CTNNA2: variants seen among roughly 807,000 people sequenced by gnomAD.
The protein encoded by CTNNA2 is catenin alpha-2.
CTNNA2 carries 42 observed loss-of-function variants against 101.0 expected under a neutral mutation model. The observed-to-expected ratio is 0.42, with a 90% CI of 0.32 to 0.54. The LOEUF (loss-of-function observed/expected upper bound fraction) is 0.54, where lower values mean the gene tolerates loss of function less well. Among genes scored for constraint, CTNNA2 ranks in the 20% least tolerant of loss-of-function variants. CTNNA2 has a pLI of 0.14. For missense variants in CTNNA2, 871 were observed against 1,223.1 expected (o/e 0.71, Z 4.29); for synonymous variants, 450 against 456.4 (o/e 0.99, Z 0.18).
intron 7 of CTNNA2, among the ~76,000 whole-genome samples, chr2:80,231,572 G>A (rs537983984): frequency 1.3e-4 from 20 of 152,278 alleles, no homozygotes; most frequent in South Asian, 1.2e-3. Flanking sequence ...GGAAGGAGGG[G>A]TCAGACATGT....
At chr2:79,492,485 A>C (rs1422210555) in intron 4 of CTNNA2, among the ~76,000 whole-genome samples, 2 of 152,084 alleles carry the variant, frequency 1.3e-5, no homozygotes, top group East Asian at 3.8e-4. Flanking sequence ...AAACTGTTTA[A>C]ATAGGACAAA....
At chr2:79,933,643 C>T (rs979815100) in intron 7 of CTNNA2, among the ~76,000 whole-genome samples, 1 of 151,906 alleles carries the variant, frequency 6.6e-6, no homozygotes, top group African/African-American at 2.4e-5. Flanking sequence ...TTAGTAGAGA[C>T]GGGGTTTCAC....
intron 7 of CTNNA2, among the ~76,000 whole-genome samples, chr2:79,957,145 G>T (rs1689296858): frequency 6.6e-6 from 1 of 152,106 alleles, no homozygotes. Flanking sequence ...TCACATTTGA[G>T]TTCTGGCCCT....
intron 7 of CTNNA2, among the ~76,000 whole-genome samples, chr2:79,943,579 A>G (rs1390708509): frequency 6.6e-6 from 1 of 152,170 alleles, no homozygotes; most frequent in Non-Finnish European, 1.5e-5. Context: ...GCAAGAGGAC[A>G]CTTGCCAGCT....
intron 6 of CTNNA2, among the ~76,000 whole-genome samples, chr2:79,906,499 G>A (rs146215438): frequency 1.3e-5 from 2 of 152,158 alleles, no homozygotes; most frequent in African/African-American, 2.4e-5. Flanking sequence ...TCTGAATATT[G>A]TAAAATTATT....
At chr2:79,437,377 A>T (rs1373738116) in intron 4 of CTNNA2, among the ~76,000 whole-genome samples, 2 of 152,214 alleles carry the variant, frequency 1.3e-5, no homozygotes, top group Non-Finnish European at 2.9e-5. Flanking sequence ...CCAGCCTGAC[A>T]CAAGGCCTGA....
chr2:79,856,703 A>G lies in CTNNA2; in HGVS notation c.299-1310A>G, dbSNP rs147211461. On this transcript the variant is annotated intron_variant, in intron 3 of 18. Coordinates refer to ENST00000402739, the MANE Select transcript of CTNNA2 (RefSeq NM_001282597.3). ...CATTCCTGGGTCCCTTGATGCAAAT[A>G]TATACCTGACTCTTGTATCGTGTCA... Among the ~76,000 whole-genome samples, 477 of 152,262 alleles carry G rather than the reference A, an allele frequency of 3.1e-3. 3 individuals carry two copies. The highest frequency in any genetic ancestry group is 0.011 in the African/African-American group (455 of 41,546).
At chr2:79,677,744 G>A (rs1346405407) in intron 2 of CTNNA2, among the ~76,000 whole-genome samples, 1 of 152,162 alleles carries the variant, frequency 6.6e-6, no homozygotes, top group African/African-American at 2.4e-5. Context: ...TCTTTGCCAT[G>A]TGATTATCCA....
intron 9 of CTNNA2, among the ~76,000 whole-genome samples, chr2:80,513,417 C>T (rs1006349488): frequency 1.8e-4 from 28 of 152,192 alleles, no homozygotes; most frequent in Admixed American, 1.7e-3. Flanking sequence ...TCTGTACCAC[C>T]TCAGGTGTAT....
rs112525059 is a variant in CTNNA2 at position 80,641,492 on chromosome 2, C to T, written c.2575-6093C>T. On this transcript the variant is annotated intron_variant, in intron 18 of 18. Coordinates refer to ENST00000402739, the MANE Select transcript of CTNNA2 (RefSeq NM_001282597.3). The stretch of plus-strand genomic sequence containing the variant: ...TTCTCTTCTTTAATCGTATGCCCGG[C>T]CTCCACAAGTTAACATTCTAAGACA... Among the ~76,000 whole-genome samples the T allele has an allele frequency of 1.2e-3, 179 of 152,250 alleles. 2 individuals are homozygous for T. Among genetic ancestry groups the T allele is most frequent in the South Asian group, 3.9e-3 (19 of 4,828 alleles).
chr2:80,047,827 G>C (rs899683854), intron 7 of CTNNA2, among the ~76,000 whole-genome samples: 2 of 152,258 alleles, frequency 1.3e-5, no homozygotes, highest in Admixed American at 1.3e-4. Flanking sequence ...ACACATAGAA[G>C]ACAATTTCCC....
chr2:79,763,354 G>T (rs981737396), intron 3 of CTNNA2, among the ~76,000 whole-genome samples: 1 of 152,050 alleles, frequency 6.6e-6, no homozygotes, highest in Non-Finnish European at 1.5e-5. Flanking sequence ...GCAGCAATTG[G>T]TTTGAATTTA....
intron 3 of CTNNA2, among the ~76,000 whole-genome samples, chr2:79,813,640 C>A (rs1211213846): frequency 6.6e-6 from 1 of 152,068 alleles, no homozygotes; most frequent in Non-Finnish European, 1.5e-5. Context: ...ATTGGTGGTA[C>A]AGATTTGAGA....
At chr2:79,583,186 A>G (rs1676253876) in intron 1 of CTNNA2, among the ~76,000 whole-genome samples, 1 of 151,478 alleles carries the variant, frequency 6.6e-6, no homozygotes, top group Admixed American at 6.6e-5. Context: ...GTGTGATTAT[A>G]AATAAATCTG....
At chr2:79,803,724 G>T (rs1272966269) in intron 3 of CTNNA2, among the ~76,000 whole-genome samples, 2 of 152,186 alleles carry the variant, frequency 1.3e-5, no homozygotes, top group African/African-American at 4.8e-5. Flanking sequence ...CAGATTTTGG[G>T]GGCTTGCTCC....
At chr2:80,000,121 G>A (rs1167544860) in intron 7 of CTNNA2, among the ~76,000 whole-genome samples, 1 of 152,120 alleles carries the variant, frequency 6.6e-6, no homozygotes, top group Non-Finnish European at 1.5e-5. Flanking sequence ...GGAGAGCAAA[G>A]TTAAAAGAAA....
At chr2:79,265,629 C>T (rs1448030296) in intron 2 of CTNNA2, among the ~76,000 whole-genome samples, 1 of 152,096 alleles carries the variant, frequency 6.6e-6, no homozygotes, top group East Asian at 1.9e-4. Flanking sequence ...CATCTCAAAG[C>T]CAAGGGTTTG....
chr2:79,988,821 T>C (rs761455774), intron 7 of CTNNA2, among the ~76,000 whole-genome samples: 3 of 152,238 alleles, frequency 2.0e-5, no homozygotes, highest in Non-Finnish European at 4.4e-5. Context: ...TTTCTTTCGA[T>C]CAAATGTTGC....
chr2:79,405,333 T>G (rs1678330123), intron 4 of CTNNA2, among the ~76,000 whole-genome samples: 1 of 152,058 alleles, frequency 6.6e-6, no homozygotes, highest in Admixed American at 6.6e-5. Context: ...TTTATTTTTA[T>G]TTTTATTTTT....
Sources: gnomAD v4.1 joint callset for allele counts (sites outside exome capture counted in the v4.1 genomes callset) on GRCh38, gnomAD v4.1.1 for gene constraint, MANE v1.5 for transcripts, NCBI Gene and HGNC (gene_info 2026-07-23, HGNC 2026-07-21) for gene names.